Variants in MIR17HG observed in about 807,000 individuals in gnomAD.
MIR17HG encodes the protein miR-17-92a-1 cluster host gene.
rs60480664 is a variant in MIR17HG, at chr13:91,353,780, CT to C, written n.285-137del. 6.0e-3 allele frequency among the ~76,000 whole-genome samples: 816 copies of C among 137,014 alleles called. 4 individuals are homozygous for C. The highest frequency in any genetic ancestry group is 0.02 in the East Asian group (93 of 4,764). The allele number at this position is 137,014 out of a possible 152,430, so 89.9% of individuals were successfully genotyped here. On this transcript the variant is annotated intron_variant and non_coding_transcript_variant, in intron 3 of 3. Coordinates refer to ENST00000400282, the Ensembl canonical transcript of MIR17HG. ...ATTTGGAGGGGAAAAAATGGGTCAA[CT>C]TTTTTTTTTTTTTTTGGCGTTTGCA...
intron 1 of MIR17HG, among the ~76,000 whole-genome samples, chr13:91,348,732 G>T (rs1875100991): frequency 6.6e-6 from 1 of 150,544 alleles, no homozygotes. Flanking sequence ...GGAGTGTGGC[G>T]CGGGAGGGCC....
chr13:91,354,243 T>C (rs534875696), exon 4 of MIR17HG: 2 of 152,232 alleles, frequency 1.3e-5, no homozygotes, highest in Non-Finnish European at 2.9e-5. Context: ...TTTAGCTTAG[T>C]GGTTGTATGA....
exon 1 of MIR17HG, chr13:91,347,866 G>C (rs1481204702): frequency 6.7e-6 from 1 of 149,920 alleles, no homozygotes; most frequent in Non-Finnish European, 1.5e-5. Flanking sequence ...CCCCGGCCTG[G>C]GGCCTCCGGT....
chr13:91,350,980 T>G, intron 3 of MIR17HG: 1 of 529,562 alleles, frequency 1.9e-6, no homozygotes, highest in South Asian at 1.4e-5. Context: ...TGCTATTTCC[T>G]TCAAATGAAT....
At chr13:91,349,025 G>GT (rs1156614974) in intron 1 of MIR17HG, among the ~76,000 whole-genome samples, 2 of 151,128 alleles carry the variant, frequency 1.3e-5, no homozygotes, top group Non-Finnish European at 3.0e-5. Flanking sequence ...CGGGAAACGG[G>GT]TTGGGGGGGT....
intron 1 of MIR17HG, among the ~76,000 whole-genome samples, chr13:91,349,041 C>G (rs1011310344): frequency 2.0e-5 from 3 of 151,540 alleles, no homozygotes; most frequent in Non-Finnish European, 2.9e-5. Flanking sequence ...GGGGTTGCCG[C>G]GTCCGGCGGG....
intron 3 of MIR17HG, chr13:91,352,223 G>A (rs1326718627): frequency 6.6e-6 from 1 of 152,182 alleles, no homozygotes; most frequent in African/African-American, 2.4e-5. Context: ...TTGACTTAAA[G>A]TCACTGAAGT....
chr13:91,350,536 C>T, intron 3 of MIR17HG: 1 of 530,826 alleles, frequency 1.9e-6, no homozygotes, highest in Non-Finnish European at 3.9e-6. Context: ...GGTGTTAATT[C>T]TAATTATCTA....
At chr13:91,353,533 C>T (rs1446358360) in intron 3 of MIR17HG, among the ~76,000 whole-genome samples, 1 of 152,164 alleles carries the variant, frequency 6.6e-6, no homozygotes, top group East Asian at 1.9e-4. Context: ...TTTTCTTAGG[C>T]ATGCTAACAT....
At chr13:91,350,849 TCAAGC>T (rs768018961) in intron 3 of MIR17HG, 2 of 534,734 alleles carry the variant, frequency 3.7e-6, no homozygotes, top group Non-Finnish European at 7.7e-6. Context: ...ATCCAATAAT[TCAAGC>T]CAAGCAAGTA....
intron 3 of MIR17HG, among the ~76,000 whole-genome samples, chr13:91,353,032 C>A (rs1171247370): frequency 6.7e-6 from 1 of 148,724 alleles, no homozygotes; most frequent in African/African-American, 2.5e-5. Context: ...ATCACCTGAA[C>A]CTGGGAGGTG....
At chr13:91,354,353 T>G (rs1384339962) in exon 4 of MIR17HG, 2 of 152,196 alleles carry the variant, frequency 1.3e-5, no homozygotes, top group Non-Finnish European at 2.9e-5. Context: ...ATGCACATAT[T>G]CCATGAATTT....
chr13:91,349,011 C>T (rs1376832506), intron 1 of MIR17HG, among the ~76,000 whole-genome samples: 1 of 150,666 alleles, frequency 6.6e-6, no homozygotes, highest in Non-Finnish European at 1.5e-5. Context: ...CGCGCGGCTG[C>T]CGCCGGGAAA....
Position 91,351,283 on chromosome 13 carries a change from G to A in MIR17HG, n.284+1057G>A, listed in dbSNP as rs762890626. On this transcript the variant is annotated intron_variant and non_coding_transcript_variant, in intron 3 of 3. Transcript: ENST00000400282. Reference sequence around the variant, plus strand: ...GCAAAACTGACTGTGGTAGTGAAAAGTCTGTAGAAAAGTAAGGGAAACTCA... The same window carrying A: ...GCAAAACTGACTGTGGTAGTGAAAAATCTGTAGAAAAGTAAGGGAAACTCA... 2.4e-5 allele frequency: 13 copies of A among 531,780 alleles called. No individual in the cohort carries two copies. The Admixed American group carries it at 2.5e-4, about 10-fold the overall frequency. The allele number at this position is 531,780 out of a possible 1,614,324, so 32.9% of individuals were successfully genotyped here.
chr13:91,354,352 T>C (rs1367305666), exon 4 of MIR17HG: 1 of 152,190 alleles, frequency 6.6e-6, no homozygotes, highest in African/African-American at 2.4e-5. Flanking sequence ...AATGCACATA[T>C]TCCATGAATT....
At chr13:91,351,012 C>G (rs1566344456) in intron 3 of MIR17HG, 1 of 528,730 alleles carries the variant, frequency 1.9e-6, no homozygotes, top group Non-Finnish European at 3.9e-6. Context: ...ATTTTGTGTA[C>G]TTTTATTGTG....
intron 1 of MIR17HG, among the ~76,000 whole-genome samples, chr13:91,348,583 C>A (rs1875090024): frequency 6.6e-6 from 1 of 151,082 alleles, no homozygotes; most frequent in African/African-American, 2.4e-5. Flanking sequence ...CTGGGCGCCA[C>A]CCCCGCTCCG....
At chr13:91,353,043 G>GA (rs1875403273) in intron 3 of MIR17HG, among the ~76,000 whole-genome samples, 1 of 149,138 alleles carries the variant, frequency 6.7e-6, no homozygotes, top group Non-Finnish European at 1.5e-5. Flanking sequence ...CTGGGAGGTG[G>GA]AGGTTTCAGT....
rs1875134744 is a variant in MIR17HG at position 91,349,036 on chromosome 13, T to G, written n.141-662T>G. Among the ~76,000 whole-genome samples, 3 of 151,508 alleles carry G rather than the reference T, an allele frequency of 2.0e-5. No homozygotes were observed. In the South Asian group the frequency reaches 6.2e-4, roughly 31 times the overall value. On this transcript the variant is annotated intron_variant and non_coding_transcript_variant, in intron 1 of 3. Coordinates refer to ENST00000400282, the Ensembl canonical transcript of MIR17HG. The stretch of plus-strand genomic sequence containing the variant: ...CCGCCGGGAAACGGGTTGGGGGGGT[T>G]GCCGCGTCCGGCGGGGCCTGACTCT...
Sources: allele counts gnomAD v4.1 joint callset (sites outside exome capture counted in the v4.1 genomes callset), GRCh38; gene constraint gnomAD v4.1.1; transcripts MANE v1.5; gene names NCBI Gene and HGNC (gene_info 2026-07-23, HGNC 2026-07-21).